MYO3A: variants seen among roughly 807,000 people sequenced by gnomAD.
MYO3A encodes myosin-IIIa.
In MYO3A, 180 loss-of-function variants were observed where a neutral mutation model predicts 192.7. That is an observed-to-expected ratio of 0.93 (90% CI 0.83 to 1.06). MYO3A has a LOEUF of 1.06. Among genes scored for constraint, MYO3A ranks in the 50% least tolerant of loss-of-function variants. MYO3A has a pLI of 0.00. For missense variants in MYO3A, 1,896 were observed against 1,905.0 expected, an observed-to-expected ratio of 1.00 and a Z score of 0.09; for synonymous variants, 628 against 645.3, an observed-to-expected ratio of 0.97 and a Z score of 0.41.
At chr10:26,082,291 G>A (rs956801122) in intron 14 of MYO3A, among the ~76,000 whole-genome samples, 1 of 152,064 alleles carries the variant, frequency 6.6e-6, no homozygotes, top group Non-Finnish European at 1.5e-5. Context: ...TCAGTGTACA[G>A]ATCTGTCACC....
intron 7 of MYO3A, among the ~76,000 whole-genome samples, chr10:26,020,150 A>G (rs562016290): frequency 2.6e-5 from 4 of 152,298 alleles, no homozygotes; most frequent in South Asian, 4.1e-4. Flanking sequence ...TTTGCCCATA[A>G]ACTCGCCATC....
chr10:26,041,652 G>T (rs1949616), intron 10 of MYO3A, among the ~76,000 whole-genome samples: 47,322 of 151,774 alleles, frequency 0.31, 7,651 homozygotes, highest in Middle Eastern at 0.44. Context: ...ACCCATTATT[G>T]TAAGCTGATA....
chr10:26,139,015 G>T (rs1490255844), intron 20 of MYO3A, among the ~76,000 whole-genome samples: 1 of 152,160 alleles, frequency 6.6e-6, no homozygotes, highest in African/African-American at 2.4e-5. Context: ...CACAACAACT[G>T]ATGCTGTAAG....
intron 2 of MYO3A, among the ~76,000 whole-genome samples, chr10:25,943,826 A>G (rs1419021382): frequency 1.4e-5 from 2 of 147,710 alleles, no homozygotes; most frequent in African/African-American, 2.5e-5. Context: ...TTTGGTACAT[A>G]TAAGATCAAA....
intron 32 of MYO3A, among the ~76,000 whole-genome samples, chr10:26,197,595 A>G (rs968665418): frequency 9.2e-5 from 14 of 152,184 alleles, no homozygotes; most frequent in South Asian, 4.2e-4. Context: ...ACAGAGTCTC[A>G]CTTTGTTGCC....
chr10:26,089,024 G>T (rs748266739), intron 15 of MYO3A, among the ~76,000 whole-genome samples: 3 of 152,138 alleles, frequency 2.0e-5, no homozygotes, highest in Non-Finnish European at 4.4e-5. Context: ...TTACACATTG[G>T]ATTTGTACCC....
chr10:26,129,963 C>T (rs1223038342), intron 20 of MYO3A, among the ~76,000 whole-genome samples: 1 of 152,164 alleles, frequency 6.6e-6, no homozygotes, highest in Non-Finnish European at 1.5e-5. Flanking sequence ...CCATGCATTG[C>T]TCATGTGATG....
intron 10 of MYO3A, among the ~76,000 whole-genome samples, chr10:26,064,812 G>A (rs1374696971): frequency 1.3e-5 from 2 of 152,098 alleles, no homozygotes; most frequent in African/African-American, 4.8e-5. Flanking sequence ...AGGAGTCACC[G>A]TTGACTGAGA....
chr10:26,008,673 A>G (rs1841402570), intron 6 of MYO3A, among the ~76,000 whole-genome samples: 1 of 151,042 alleles, frequency 6.6e-6, no homozygotes, highest in African/African-American at 2.4e-5. Context: ...CAAAACCACA[A>G]TCAGATACCA....
chr10:26,058,868 GTTTTA>G (rs1834289402), intron 10 of MYO3A, among the ~76,000 whole-genome samples: 1 of 152,046 alleles, frequency 6.6e-6, no homozygotes. Context: ...CTTAGTTCTT[GTTTTA>G]TTTTATCAGA....
intron 6 of MYO3A, among the ~76,000 whole-genome samples, chr10:26,011,703 A>G (rs1381788702): frequency 1.3e-5 from 2 of 152,180 alleles, no homozygotes; most frequent in Non-Finnish European, 1.5e-5. Context: ...ATGGATGCCA[A>G]TCCCACTGAA....
At chr10:26,071,215 G>A (rs1835186854) in intron 14 of MYO3A, among the ~76,000 whole-genome samples, 3 of 152,104 alleles carry the variant, frequency 2.0e-5, no homozygotes, top group Non-Finnish European at 2.9e-5. Flanking sequence ...CAGATTGACT[G>A]AACAAAATAG....
intron 14 of MYO3A, among the ~76,000 whole-genome samples, chr10:26,078,060 T>C (rs1018017886): frequency 4.6e-5 from 7 of 151,936 alleles, no homozygotes; most frequent in African/African-American, 1.7e-4. Flanking sequence ...TGGAATAGTG[T>C]CAAAAAGGTT....
intron 17 of MYO3A, among the ~76,000 whole-genome samples, chr10:26,103,983 G>A (rs1304959301): frequency 6.6e-6 from 1 of 151,896 alleles, no homozygotes; most frequent in Non-Finnish European, 1.5e-5. Context: ...GTCATCTGTG[G>A]CTCTTTTTTG....
At chr10:26,014,827 C>G (rs1841894159) in intron 6 of MYO3A, among the ~76,000 whole-genome samples, 1 of 152,104 alleles carries the variant, frequency 6.6e-6, no homozygotes, top group Admixed American at 6.6e-5. Context: ...CTATGCTTTT[C>G]TCTCTGCTCT....
intron 20 of MYO3A, among the ~76,000 whole-genome samples, chr10:26,135,305 A>G (rs973969982): frequency 1.3e-5 from 2 of 152,032 alleles, no homozygotes; most frequent in Non-Finnish European, 2.9e-5. Flanking sequence ...TCTTCTTCAT[A>G]GGATATTACT....
chr10:25,997,102 A>C, intron 5 of MYO3A, 57 bp from the exon 6 acceptor site: 2 of 1,405,156 alleles, frequency 1.4e-6, no homozygotes, highest in Non-Finnish European at 2.0e-6. Flanking sequence ...CATCATCTGA[A>C]AATTTTTATT....
At position 26,157,369 on chromosome 10, in the gene MYO3A, C is replaced by T. The variant is rs759388030; in HGVS notation, c.2853C>T (p.Cys951=). The change falls in exon 26 of 35, where the codon TGC becomes TGT. Residue 951 remains cysteine, a synonymous_variant. Coordinates refer to ENST00000642920, the MANE Select transcript of MYO3A (RefSeq NM_017433.5). ...TGGGCCAACCTCATTTTGTCCGTTG[C>T]ATCAAACCAAATAGTGAGCGTCAGG... is the stretch of plus-strand genomic sequence containing the variant. ...MVVGQPHFVR[C]IKPNSERQAR... 6.2e-7 allele frequency: 1 copy of T among 1,614,068 alleles called. No individual in the cohort carries two copies. The highest frequency in any genetic ancestry group is 1.1e-5 in the South Asian group (1 of 91,076).
intron 1 of MYO3A, among the ~76,000 whole-genome samples, chr10:25,934,592 C>A (rs979049951): frequency 2.8e-5 from 4 of 141,202 alleles, no homozygotes; most frequent in African/African-American, 1.1e-4. Flanking sequence ...GAGGCTTGAA[C>A]GAGCTGGATG....
Sources: gnomAD v4.1 joint callset for allele counts (sites outside exome capture counted in the v4.1 genomes callset) on GRCh38, gnomAD v4.1.1 for gene constraint, MANE v1.5 for transcripts, NCBI Gene and HGNC (gene_info 2026-07-23, HGNC 2026-07-21) for gene names.